The following SLC9A9 variants were observed in gnomAD, a reference collection of about 807,000 sequenced individuals.
SLC9A9 encodes solute carrier family 9 member A9, also known as sodium/hydrogen exchanger 9.
Under a neutral mutation model 77.8 loss-of-function variants are expected in SLC9A9, and 62 were observed. That is an observed-to-expected ratio of 0.80 (90% CI 0.65 to 0.98). The LOEUF is 0.98. SLC9A9 is among the 50% of genes least tolerant of loss of function. SLC9A9 has a pLI of 0.00. For synonymous variants in SLC9A9, 320 were observed against 283.5 expected, an observed-to-expected ratio of 1.13 and a Z score of -1.29; for missense variants, 775 against 774.9, an observed-to-expected ratio of 1.00 and a Z score of 0.00.
chr3:143,622,266 G>A lies in SLC9A9; in HGVS notation c.755+29989C>T, dbSNP rs372027371. Reference sequence around the variant, plus strand: ...TTCAAATTCAGGAAATACAGAGAACGCCACAAAGATACTCCTCGAGAAGAG... The same window carrying A: ...TTCAAATTCAGGAAATACAGAGAACACCACAAAGATACTCCTCGAGAAGAG... On this transcript the variant is annotated intron_variant, in intron 6 of 15. Coordinates refer to ENST00000316549, the MANE Select transcript of SLC9A9 (RefSeq NM_173653.4). Among the ~76,000 whole-genome samples, 42 of 152,138 alleles carry A rather than the reference G, an allele frequency of 2.8e-4. 1 individual carries two copies. The East Asian group carries it at 4.6e-3, about 17-fold the overall frequency.
chr3:143,698,781 CA>C (rs1933712813), intron 4 of SLC9A9, among the ~76,000 whole-genome samples: 1 of 152,060 alleles, frequency 6.6e-6, no homozygotes, highest in African/African-American at 2.4e-5. Flanking sequence ...TAGGGATAAG[CA>C]AAGGAAGTTG....
chr3:143,538,738 T>C (rs80247698), intron 9 of SLC9A9, among the ~76,000 whole-genome samples: 8,718 of 152,196 alleles, frequency 0.057, 452 homozygotes, highest in African/African-American at 0.13. Flanking sequence ...CAGAGCAACA[T>C]CTTCAGAAAG....
At chr3:143,626,146 GA>G (rs2038320808) in intron 6 of SLC9A9, among the ~76,000 whole-genome samples, 1 of 152,164 alleles carries the variant, frequency 6.6e-6, no homozygotes, top group Non-Finnish European at 1.5e-5. Context: ...GGAGAAATAG[GA>G]ACACTTTTAT....
intron 4 of SLC9A9, among the ~76,000 whole-genome samples, chr3:143,706,629 G>C (rs929043998): frequency 2.0e-5 from 3 of 152,148 alleles, no homozygotes; most frequent in Admixed American, 6.5e-5. Flanking sequence ...TCTTGAACAA[G>C]GATCCATGAA....
chr3:143,728,073 G>A (rs1468567823), intron 4 of SLC9A9, among the ~76,000 whole-genome samples: 3 of 152,196 alleles, frequency 2.0e-5, no homozygotes, highest in African/African-American at 7.2e-5. Flanking sequence ...TTGTTAGTGG[G>A]TGGAGGTGTT....
intron 4 of SLC9A9, among the ~76,000 whole-genome samples, chr3:143,733,261 A>T (rs1419726864): frequency 6.6e-6 from 1 of 152,162 alleles, no homozygotes; most frequent in Non-Finnish European, 1.5e-5. Context: ...ACAGAAGAAT[A>T]AGACTTCAGC....
intron 5 of SLC9A9, among the ~76,000 whole-genome samples, chr3:143,666,156 C>A (rs1432577182): frequency 6.6e-6 from 1 of 152,178 alleles, no homozygotes; most frequent in African/African-American, 2.4e-5. Context: ...CAGCTTCATC[C>A]CTGGGATGCA....
At chr3:143,351,470 C>T (rs6765636) in intron 14 of SLC9A9, among the ~76,000 whole-genome samples, 68,861 of 152,000 alleles carry the variant, frequency 0.45, 16,106 homozygotes, top group African/African-American at 0.55. Context: ...AAGGCTAGGC[C>T]GAGAAGGAAG....
In SLC9A9 at chr3:143,606,436, C is replaced by CTCTCTCTATATATA. The variant is rs1419410834; in HGVS notation, c.756-27714_756-27713insTATATATAGAGAGA. Among the ~76,000 whole-genome samples, 186 of 54,184 alleles carry CTCTCTCTATATATA rather than the reference C, an allele frequency of 3.4e-3. 3 individuals are homozygous for CTCTCTCTATATATA. Among genetic ancestry groups the CTCTCTCTATATATA allele is most frequent in the East Asian group, 0.011 (15 of 1,358 alleles). 35.5% of individuals were successfully genotyped at this position (54,184 alleles called of 152,430 possible). ...TCTCTCTCTCTCTCTCTCTCTCTCTCTATATATATATATATATATATATAT... is the reference window on the plus strand; with the variant it reads ...TCTCTCTCTCTCTCTCTCTCTCTCTCTCTCTCTATATATATATATATATATATATATATATATAT... On this transcript the variant is annotated intron_variant, in intron 6 of 15. Coordinates refer to ENST00000316549, the MANE Select transcript of SLC9A9 (RefSeq NM_173653.4).
chr3:143,595,575 A>G (rs2037739062), intron 6 of SLC9A9, among the ~76,000 whole-genome samples: 1 of 152,216 alleles, frequency 6.6e-6, no homozygotes, highest in Admixed American at 6.5e-5. Flanking sequence ...TTAAGATCAG[A>G]TACAATGCTA....
At chr3:143,356,474 A>G (rs2032588121) in intron 14 of SLC9A9, among the ~76,000 whole-genome samples, 2 of 152,164 alleles carry the variant, frequency 1.3e-5, no homozygotes, top group Admixed American at 6.5e-5. Flanking sequence ...GTTGATTCCT[A>G]CCCAAAAGTC....
At chr3:143,847,368 A>G (rs928027545) in intron 1 of SLC9A9, among the ~76,000 whole-genome samples, 3 of 152,216 alleles carry the variant, frequency 2.0e-5, no homozygotes, top group Admixed American at 6.5e-5. Flanking sequence ...AAAAGATGAG[A>G]GTACAGACAG....
intron 1 of SLC9A9, among the ~76,000 whole-genome samples, chr3:143,839,495 CACACAT>C (rs1293824585): frequency 1.3e-4 from 2 of 15,772 alleles, no homozygotes; most frequent in Non-Finnish European, 2.6e-4. Flanking sequence ...CAACAAACAA[CACACAT>C]ACACACACAC....
chr3:143,599,380 T>A (rs1371431719), intron 6 of SLC9A9, among the ~76,000 whole-genome samples: 2 of 152,186 alleles, frequency 1.3e-5, no homozygotes, highest in Non-Finnish European at 2.9e-5. Context: ...AAAGCATAAG[T>A]AGTTCTTTTC....
At chr3:143,736,936 T>C (rs2108813954) in intron 4 of SLC9A9, among the ~76,000 whole-genome samples, 1 of 152,346 alleles carries the variant, frequency 6.6e-6, no homozygotes, top group Admixed American at 6.5e-5. Flanking sequence ...AAATAAATTA[T>C]TTCCCACTTT....
At chr3:143,459,683 G>A (rs1379213417) in intron 12 of SLC9A9, among the ~76,000 whole-genome samples, 2 of 151,942 alleles carry the variant, frequency 1.3e-5, no homozygotes, top group Admixed American at 6.6e-5. Context: ...TTATAGGGTC[G>A]ATTTCTCAAA....
intron 6 of SLC9A9, among the ~76,000 whole-genome samples, chr3:143,587,153 A>G (rs1009734130): frequency 1.3e-5 from 2 of 152,228 alleles, no homozygotes; most frequent in African/African-American, 4.8e-5. Context: ...GAATAACGCA[A>G]TCTCAGGCTG....
intron 14 of SLC9A9, among the ~76,000 whole-genome samples, chr3:143,332,333 AAAG>A (rs2031798108): frequency 6.6e-6 from 1 of 152,200 alleles, no homozygotes; most frequent in East Asian, 1.9e-4. Flanking sequence ...GAACTGGTAC[AAAG>A]AAGAAGTATA....
intron 12 of SLC9A9, among the ~76,000 whole-genome samples, chr3:143,396,515 C>T (rs1414544192): frequency 6.6e-6 from 1 of 152,118 alleles, no homozygotes; most frequent in African/African-American, 2.4e-5. Context: ...ATGGGTGCAG[C>T]ACACCAACGT....
Sources: gnomAD v4.1 joint callset for allele counts (sites outside exome capture counted in the v4.1 genomes callset) on GRCh38, gnomAD v4.1.1 for gene constraint, MANE v1.5 for transcripts, NCBI Gene and HGNC (gene_info 2026-07-23, HGNC 2026-07-21) for gene names.